UGT2A2: variants seen among roughly 807,000 people sequenced by gnomAD.
UGT2A2 encodes the protein UDP glucuronosyltransferase family 2 member A2.
Under a neutral mutation model 50.7 loss-of-function variants are expected in UGT2A2, and 60 were observed. The ratio of observed to expected loss-of-function variants is 1.18; its 90% CI spans 0.96 to 1.47. The LOEUF (loss-of-function observed/expected upper bound fraction) is 1.47, where lower values mean the gene tolerates loss of function less well. Among genes scored for constraint, UGT2A2 ranks in the 40% most tolerant of loss-of-function variants. The pLI is 0.00. For synonymous variants in UGT2A2, 242 were observed against 214.6 expected, an observed-to-expected ratio of 1.13 and a Z score of -1.11; for missense variants, 762 against 634.0, an observed-to-expected ratio of 1.20 and a Z score of -2.17.
At position 69,589,508 on chromosome 4, in the gene UGT2A2, C is replaced by CAGGTGAGG; in HGVS notation, c.1467_1474dup (p.Trp492SerfsTer12). ...TACATCCAAAGAGTGGTACTGGAACCAGGTGAGGTCATGGGCTGCAACCCG... is the reference window on the plus strand; with the variant it reads ...TACATCCAAAGAGTGGTACTGGAACCAGGTGAGGAGGTGAGGTCATGGGCTGCAACCCG... On this transcript the variant is annotated frameshift_variant, in exon 6 of 6. Coordinates refer to ENST00000604629, the MANE Select transcript of UGT2A2 (RefSeq NM_001105677.2). LOFTEE classifies it high-confidence loss of function. The CAGGTGAGG allele has an allele frequency of 1.2e-6, 2 of 1,614,056 alleles. No individual in the cohort carries two copies. Among genetic ancestry groups the CAGGTGAGG allele is most frequent in the Non-Finnish European group, 8.5e-7 (1 of 1,179,998 alleles).
At chr4:69,632,429 G>A (rs1038621337) in intron 1 of UGT2A2, among the ~76,000 whole-genome samples, 10 of 152,014 alleles carry the variant, frequency 6.6e-5, no homozygotes, top group African/African-American at 1.9e-4. Flanking sequence ...GTACACCCAC[G>A]TTATGATTTC....
At chr4:69,615,716 ACAAACAAG>A (rs1720338310) in intron 1 of UGT2A2, among the ~76,000 whole-genome samples, 1 of 151,926 alleles carries the variant, frequency 6.6e-6, no homozygotes, top group African/African-American at 2.4e-5. Context: ...CGCCGCAAAA[ACAAACAAG>A]CAAACAAACA....
intron 1 of UGT2A2, among the ~76,000 whole-genome samples, chr4:69,609,497 A>C (rs767516091): frequency 2.0e-5 from 3 of 152,066 alleles, no homozygotes; most frequent in Non-Finnish European, 4.4e-5. Context: ...TGAGTTGTAG[A>C]CTGAAACTGT....
chr4:69,620,378 C>CAA (rs746270443), intron 1 of UGT2A2, among the ~76,000 whole-genome samples: 10,361 of 151,774 alleles, frequency 0.068, 401 homozygotes, highest in African/African-American at 0.1. Flanking sequence ...ATCCCATTCA[C>CAA]AATTGCTAAA....
chr4:69,595,152 A>C lies in UGT2A2; in HGVS notation c.1111+10T>G, dbSNP rs1431760020. On this transcript the variant is annotated intron_variant, in intron 4 of 5. Coordinates refer to ENST00000604629, the MANE Select transcript of UGT2A2 (RefSeq NM_001105677.2). ...CCCACTGTACAGCTTTTCTTTCCCC[A>C]CAGTCTTACCAAGAAGATCATTCTG... 5 of 1,613,774 alleles carry C rather than the reference A, an allele frequency of 3.1e-6. No individual in the cohort carries two copies. The highest frequency in any genetic ancestry group is 1.1e-5 in the South Asian group (1 of 91,076).
At chr4:69,638,840 T>A (rs1475737958) in intron 1 of UGT2A2, 59 bp downstream of exon 1, 2 of 1,463,352 alleles carry the variant, frequency 1.4e-6, no homozygotes, top group East Asian at 4.9e-5. Context: ...GTTTGCCATA[T>A]GACAATAAGA....
At chr4:69,595,440 C>T (rs1453337194) in intron 3 of UGT2A2, among the ~76,000 whole-genome samples, 191 bp from the exon 4 acceptor site, 1 of 152,112 alleles carries the variant, frequency 6.6e-6, no homozygotes, top group Non-Finnish European at 1.5e-5. Context: ...TACTAATAGT[C>T]TACCAAGTAT....
chr4:69,601,249 T>G (rs1719270757), intron 1 of UGT2A2, among the ~76,000 whole-genome samples: 1 of 152,160 alleles, frequency 6.6e-6, no homozygotes. Flanking sequence ...ATCCTCACTG[T>G]GACCACTACT....
chr4:69,632,026 T>C (rs1340092199), intron 1 of UGT2A2, among the ~76,000 whole-genome samples: 1 of 152,210 alleles, frequency 6.6e-6, no homozygotes, highest in Non-Finnish European at 1.5e-5. Context: ...TATTAGTTTT[T>C]CTTTATTCCT....
chr4:69,591,269 A>G (rs1317695307), intron 5 of UGT2A2, among the ~76,000 whole-genome samples: 1 of 152,176 alleles, frequency 6.6e-6, no homozygotes, highest in Non-Finnish European at 1.5e-5. Flanking sequence ...CTTGGTTTTT[A>G]CATTTTAGGA....
At position 69,639,384 on chromosome 4, in the gene UGT2A2, GA is replaced by G; in HGVS notation, c.256del (p.Ser86ProfsTer7). 6.2e-7 allele frequency: 1 copy of G among 1,613,538 alleles called. No individual in the cohort carries two copies. On this transcript the variant is annotated frameshift_variant, in exon 1 of 6. Transcript: ENST00000604629. LOFTEE classifies it high-confidence loss of function. ...SPVNFEVIPV[S>X]YKKSNIDSLI... Reference sequence around the variant, plus strand: ...GGAATCTATATTGCTCTTCTTGTAGGAAACAGGTATCACTTCAAAATTCACA... The same window carrying G: ...GGAATCTATATTGCTCTTCTTGTAGGAACAGGTATCACTTCAAAATTCACA...
intron 1 of UGT2A2, among the ~76,000 whole-genome samples, chr4:69,622,706 C>T (rs1720821475): frequency 6.6e-6 from 1 of 151,734 alleles, no homozygotes; most frequent in Non-Finnish European, 1.5e-5. Flanking sequence ...CAATTCTATA[C>T]TTGATGTCTA....
At chr4:69,636,767 A>G (rs1323113737) in intron 1 of UGT2A2, among the ~76,000 whole-genome samples, 1 of 152,166 alleles carries the variant, frequency 6.6e-6, no homozygotes, top group Non-Finnish European at 1.5e-5. Context: ...TAATATAAGT[A>G]TAATTCTTTA....
chr4:69,614,835 T>C (rs761670862), intron 1 of UGT2A2, among the ~76,000 whole-genome samples: 2 of 151,972 alleles, frequency 1.3e-5, no homozygotes, highest in African/African-American at 2.4e-5. Flanking sequence ...ACACTGTAGT[T>C]TATAAAGAAA....
chr4:69,636,927 A>C (rs1361383235), intron 1 of UGT2A2, among the ~76,000 whole-genome samples: 1 of 152,118 alleles, frequency 6.6e-6, no homozygotes, highest in Non-Finnish European at 1.5e-5. Flanking sequence ...TGGAACCTGA[A>C]GCCACATGCA....
At chr4:69,601,530 A>G (rs141930646) in intron 1 of UGT2A2, among the ~76,000 whole-genome samples, 15 of 151,890 alleles carry the variant, frequency 9.9e-5, no homozygotes, top group African/African-American at 3.6e-4. Flanking sequence ...TAATAACACA[A>G]CCCCAAGAAG....
At chr4:69,593,052 G>A (rs1338764943) in intron 5 of UGT2A2, among the ~76,000 whole-genome samples, 1 of 152,084 alleles carries the variant, frequency 6.6e-6, no homozygotes, top group African/African-American at 2.4e-5. Context: ...AAGGCCATAA[G>A]TAATATTTCC....
chr4:69,597,026 A>T (rs1718971004), intron 2 of UGT2A2, among the ~76,000 whole-genome samples: 1 of 152,208 alleles, frequency 6.6e-6, no homozygotes, highest in African/African-American at 2.4e-5. Flanking sequence ...TCATAAAAAC[A>T]GTTTTTGGAG....
At chr4:69,636,461 G>A (rs1169740649) in intron 1 of UGT2A2, among the ~76,000 whole-genome samples, 3 of 152,090 alleles carry the variant, frequency 2.0e-5, no homozygotes, top group African/African-American at 4.8e-5. Context: ...TCAGTAACAT[G>A]AGAAGCATAA....
Sources: allele counts gnomAD v4.1 joint callset (sites outside exome capture counted in the v4.1 genomes callset), GRCh38; gene constraint gnomAD v4.1.1; transcripts MANE v1.5; gene names NCBI Gene and HGNC (gene_info 2026-07-23, HGNC 2026-07-21).